Variants in SYT16 observed in about 807,000 individuals in gnomAD.
SYT16 encodes the protein synaptotagmin-16.
A neutral mutation model predicts 61.4 loss-of-function variants in SYT16; 42 were observed. The ratio of observed to expected loss-of-function variants is 0.68; its 90% CI spans 0.53 to 0.89. SYT16 has a LOEUF of 0.89. Ranked by LOEUF, SYT16 falls within the 40% of genes least tolerant of loss-of-function variation. The pLI is 0.00. For synonymous variants in SYT16, 314 were observed against 302.3 expected (o/e 1.04, Z -0.40); for missense variants, 804 against 807.3 (o/e 1.00, Z 0.05).
At chr14:62,019,313 T>G (rs997384732) in intron 3 of SYT16, among the ~76,000 whole-genome samples, 33 of 152,204 alleles carry the variant, frequency 2.2e-4, no homozygotes, top group Admixed American at 1.3e-3. Context: ...TGAAGATATT[T>G]GATATGTTTT....
chr14:61,846,482 G>C (rs531500204), intron 1 of SYT16, among the ~76,000 whole-genome samples: 9 of 152,218 alleles, frequency 5.9e-5, no homozygotes, highest in African/African-American at 2.2e-4. Context: ...AGTGATTCCT[G>C]CTCTTTTTCA....
chr14:62,011,874 T>TATACACAC (rs1555370041), intron 3 of SYT16, among the ~76,000 whole-genome samples: 8 of 136,494 alleles, frequency 5.9e-5, no homozygotes, highest in South Asian at 2.3e-4. Flanking sequence ...ACACTATATA[T>TATACACAC]ACACACACAC....
intron 1 of SYT16, among the ~76,000 whole-genome samples, chr14:61,899,400 T>C (rs1178348281): frequency 6.6e-6 from 1 of 152,204 alleles, no homozygotes; most frequent in East Asian, 1.9e-4. Context: ...TCTGTTTTCA[T>C]GTGCCAGGTG....
intron 1 of SYT16, among the ~76,000 whole-genome samples, chr14:61,850,649 C>T (rs2046586931): frequency 2.0e-5 from 3 of 152,082 alleles, no homozygotes; most frequent in South Asian, 4.1e-4. Flanking sequence ...TTATGTTTAT[C>T]CCTTCAGTGC....
chr14:62,052,433 T>C (rs1269611953), intron 3 of SYT16, among the ~76,000 whole-genome samples: 1 of 152,242 alleles, frequency 6.6e-6, no homozygotes, highest in Non-Finnish European at 1.5e-5. Flanking sequence ...GGTCTAATTG[T>C]AGCTCTGAAG....
intron 3 of SYT16, among the ~76,000 whole-genome samples, chr14:62,027,880 C>A (rs1279851667): frequency 6.6e-6 from 1 of 152,152 alleles, no homozygotes; most frequent in Non-Finnish European, 1.5e-5. Flanking sequence ...ATATTTTGTG[C>A]AGGCGGTGTA....
At chr14:61,816,617 A>G (rs2045434867) in intron 1 of SYT16, among the ~76,000 whole-genome samples, 1 of 152,212 alleles carries the variant, frequency 6.6e-6, no homozygotes, top group African/African-American at 2.4e-5. Flanking sequence ...AAATTTTAAG[A>G]GGAACAGAAT....
intron 3 of SYT16, among the ~76,000 whole-genome samples, chr14:62,026,765 T>C (rs999923933): frequency 2.6e-5 from 4 of 152,222 alleles, no homozygotes; most frequent in Non-Finnish European, 4.4e-5. Context: ...TATATGAGAA[T>C]AAATGAATAA....
chr14:61,838,868 T>G (rs1236056684), intron 1 of SYT16, among the ~76,000 whole-genome samples: 1 of 152,222 alleles, frequency 6.6e-6, no homozygotes, highest in Non-Finnish European at 1.5e-5. Flanking sequence ...CCATTGTGTT[T>G]GATGTAGGCA....
At chr14:62,026,135 C>T (rs2054094295) in intron 3 of SYT16, among the ~76,000 whole-genome samples, 1 of 152,026 alleles carries the variant, frequency 6.6e-6, no homozygotes, top group Non-Finnish European at 1.5e-5. Flanking sequence ...AGCTCTTTGT[C>T]CCTGTCTTTT....
At chr14:61,958,059 T>A (rs2050955114) in intron 1 of SYT16, among the ~76,000 whole-genome samples, 2 of 151,884 alleles carry the variant, frequency 1.3e-5, no homozygotes, top group South Asian at 4.1e-4. Context: ...TTCTTCTAAG[T>A]TGTCTAATTC....
intron 7 of SYT16, among the ~76,000 whole-genome samples, chr14:62,093,808 G>C (rs2057176134): frequency 6.6e-6 from 1 of 152,132 alleles, no homozygotes; most frequent in Non-Finnish European, 1.5e-5. Flanking sequence ...CTTAGCAGAT[G>C]TGTAATAGAA....
intron 1 of SYT16, among the ~76,000 whole-genome samples, chr14:61,819,285 G>A (rs2045542626): frequency 6.6e-6 from 1 of 152,104 alleles, no homozygotes; most frequent in South Asian, 2.1e-4. Flanking sequence ...TGATAAGATG[G>A]CTATTATGCC....
chr14:61,999,305 T>C (rs1295584540), intron 3 of SYT16, among the ~76,000 whole-genome samples: 1 of 151,852 alleles, frequency 6.6e-6, no homozygotes, highest in Non-Finnish European at 1.5e-5. Context: ...ATTTAATAGG[T>C]ATAAGGGTAA....
chr14:62,059,616 A>G (rs1320464829), intron 3 of SYT16, among the ~76,000 whole-genome samples: 1 of 150,404 alleles, frequency 6.6e-6, no homozygotes, highest in Non-Finnish European at 1.5e-5. Context: ...GGTATTCTAT[A>G]GTTTAAAGTT....
chr14:61,948,050 G>A (rs1263204098), intron 1 of SYT16, among the ~76,000 whole-genome samples: 1 of 152,184 alleles, frequency 6.6e-6, no homozygotes, highest in Non-Finnish European at 1.5e-5. Context: ...AACCAAACTG[G>A]AAAGGTGGTC....
At chr14:61,910,411 G>A (rs1398295335) in intron 1 of SYT16, among the ~76,000 whole-genome samples, 2 of 151,764 alleles carry the variant, frequency 1.3e-5, no homozygotes, top group Non-Finnish European at 2.9e-5. Flanking sequence ...GCTAATTTTT[G>A]TGTTTTTAGT....
intron 1 of SYT16, among the ~76,000 whole-genome samples, chr14:61,869,115 T>C (rs2047248545): frequency 6.6e-6 from 1 of 152,084 alleles, no homozygotes; most frequent in Admixed American, 6.5e-5. Flanking sequence ...TTAGTTTTAG[T>C]GTGGTTTATC....
chr14:61,896,040 C>T (rs2048313272), intron 1 of SYT16, among the ~76,000 whole-genome samples: 1 of 151,862 alleles, frequency 6.6e-6, no homozygotes, highest in Admixed American at 6.5e-5. Flanking sequence ...TTTGCCCTTA[C>T]ACCTCTCTGA....
Sources: gnomAD v4.1 joint callset for allele counts (sites outside exome capture counted in the v4.1 genomes callset) on GRCh38, gnomAD v4.1.1 for gene constraint, MANE v1.5 for transcripts, NCBI Gene and HGNC (gene_info 2026-07-23, HGNC 2026-07-21) for gene names.